The following ST3GAL3 variants were observed in gnomAD, a reference collection of about 807,000 sequenced individuals.
The protein encoded by ST3GAL3 is ST3 beta-galactoside alpha-2,3-sialyltransferase 3, also known as CMP-N-acetylneuraminate-beta-1,4-galactoside alpha-2,3-sialyltransferase.
A neutral mutation model predicts 50.1 loss-of-function variants in ST3GAL3; 21 were observed. That is an observed-to-expected ratio of 0.42 (90% CI 0.30 to 0.60). The LOEUF (loss-of-function observed/expected upper bound fraction) is 0.60, where lower values mean the gene tolerates loss of function less well. Among genes scored for constraint, ST3GAL3 ranks in the 20% least tolerant of loss-of-function variants. The pLI, the probability that ST3GAL3 is intolerant of heterozygous loss-of-function variation, is 0.19. For synonymous variants in ST3GAL3, 183 were observed against 190.0 expected, an observed-to-expected ratio of 0.96 and a Z score of 0.30; for missense variants, 353 against 489.4, an observed-to-expected ratio of 0.72 and a Z score of 2.63.
chr1:43,785,120 G>T (rs911611302), intron 2 of ST3GAL3, among the ~76,000 whole-genome samples: 6 of 152,090 alleles, frequency 3.9e-5, no homozygotes, highest in Admixed American at 2.6e-4. Context: ...AGACTGGGGG[G>T]GTTAGATCCC....
chr1:43,710,297 A>G (rs1470137374), intron 1 of ST3GAL3, among the ~76,000 whole-genome samples: 1 of 152,016 alleles, frequency 6.6e-6, no homozygotes, highest in Non-Finnish European at 1.5e-5. Flanking sequence ...GGCCAGGCTG[A>G]TCTTGAACTC....
chr1:43,906,175 G>A (rs1414523636), intron 9 of ST3GAL3, among the ~76,000 whole-genome samples: 7 of 68,664 alleles, frequency 1.0e-4, no homozygotes, highest in Admixed American at 2.1e-4. Flanking sequence ...TCCCCTTCCT[G>A]CCACTCTTCC....
chr1:43,791,996 C>T, intron 2 of ST3GAL3, 106 bp from the exon 3 acceptor site: 1 of 1,371,860 alleles, frequency 7.3e-7, no homozygotes. Context: ...ACTGAGTTCC[C>T]TTCCAGTTGA....
intron 4 of ST3GAL3, 50 bp downstream of exon 4, chr1:43,814,983 G>GACCC: frequency 6.3e-7 from 1 of 1,581,600 alleles, no homozygotes; most frequent in Non-Finnish European, 8.7e-7. Context: ...AGGTCTGTGA[G>GACCC]AGCTGGGTCT....
intron 9 of ST3GAL3, among the ~76,000 whole-genome samples, chr1:43,902,807 C>G (rs558176360): frequency 1.3e-5 from 2 of 152,320 alleles, no homozygotes; most frequent in Admixed American, 1.3e-4. Flanking sequence ...CCAACACACT[C>G]ACTCACTTAT....
chr1:43,755,772 A>C (rs531497830), intron 2 of ST3GAL3, among the ~76,000 whole-genome samples: 2 of 152,322 alleles, frequency 1.3e-5, no homozygotes, highest in Non-Finnish European at 2.9e-5. Flanking sequence ...TTAAGGATAC[A>C]AGAAGCATGA....
chr1:43,719,934 GAAAAAAAAAAAA>G (rs148364295), intron 1 of ST3GAL3, among the ~76,000 whole-genome samples: 100 of 41,732 alleles, frequency 2.4e-3, no homozygotes, highest in African/African-American at 7.4e-3. Context: ...CTCTGTCTCA[GAAAAAAAAAAAA>G]AAAAAAAAAA....
At chr1:43,765,381 G>A (rs1469614696) in intron 2 of ST3GAL3, among the ~76,000 whole-genome samples, 3 of 152,104 alleles carry the variant, frequency 2.0e-5, no homozygotes, top group East Asian at 1.9e-4. Context: ...TCCCTGCAGC[G>A]CACGTTCCAC....
chr1:43,817,600 T>TTCTCCTTCTCCTCCTCCCTTCTC (rs2061489505), intron 4 of ST3GAL3, among the ~76,000 whole-genome samples: 1 of 99,452 alleles, frequency 1.0e-5, no homozygotes, highest in Non-Finnish European at 2.0e-5. Context: ...TCCTCCTCCC[T>TTCTCCTTCTCCTCCTCCCTTCTC]TCTCCTTCTC....
intron 2 of ST3GAL3, among the ~76,000 whole-genome samples, chr1:43,786,715 C>G (rs964273101): frequency 5.9e-5 from 9 of 152,158 alleles, no homozygotes; most frequent in Non-Finnish European, 1.0e-4. Flanking sequence ...CATTTTTGTT[C>G]TTACTCACCA....
At chr1:43,892,012 C>T (rs1363782137) in intron 5 of ST3GAL3, among the ~76,000 whole-genome samples, 5 of 151,994 alleles carry the variant, frequency 3.3e-5, no homozygotes, top group Admixed American at 1.3e-4. Context: ...GGCGTGATCT[C>T]AGCTCACTGC....
chr1:43,880,473 C>G (rs1483926566), intron 5 of ST3GAL3, among the ~76,000 whole-genome samples: 1 of 151,396 alleles, frequency 6.6e-6, no homozygotes, highest in Non-Finnish European at 1.5e-5. Flanking sequence ...TGGATCTATC[C>G]CCTTCCTCTC....
At position 43,783,078 on chromosome 1, in the gene ST3GAL3, T is replaced by C. The variant is rs114779261; in HGVS notation, c.119-9024T>C. On this transcript the variant is annotated intron_variant, in intron 2 of 11. Coordinates refer to ENST00000347631, the MANE Select transcript of ST3GAL3 (RefSeq NM_006279.5). ...GAGGGGGCTCAGATAAATTTTGAAC[T>C]TTGTGTTACTCTTTTTACAGATGAG... is the stretch of plus-strand genomic sequence containing the variant. Among the ~76,000 whole-genome samples, 1,433 of 152,038 alleles carry C rather than the reference T, an allele frequency of 9.4e-3. 20 individuals are homozygous for C. The highest frequency in any genetic ancestry group is 0.033 in the African/African-American group (1,371 of 41,454).
chr1:43,754,444 A>G (rs931730323), intron 2 of ST3GAL3, among the ~76,000 whole-genome samples: 3 of 152,266 alleles, frequency 2.0e-5, no homozygotes, highest in Admixed American at 2.0e-4. Context: ...CACCCACCTC[A>G]GCCTCCCAAA....
chr1:43,902,161 G>A (rs1024177921), intron 9 of ST3GAL3, among the ~76,000 whole-genome samples: 3 of 152,214 alleles, frequency 2.0e-5, no homozygotes, highest in Admixed American at 6.5e-5. Flanking sequence ...AGCTTGTCCT[G>A]CTCCTGTAGG....
intron 2 of ST3GAL3, among the ~76,000 whole-genome samples, chr1:43,765,743 C>CTGTGTG (rs763910168): frequency 7.3e-4 from 103 of 140,884 alleles, no homozygotes; most frequent in African/African-American, 2.5e-3. Context: ...ATGTGTGTGT[C>CTGTGTG]TGTGTGTGTC....
At chr1:43,757,055 C>A (rs1688397326) in intron 2 of ST3GAL3, among the ~76,000 whole-genome samples, 1 of 152,150 alleles carries the variant, frequency 6.6e-6, no homozygotes, top group Non-Finnish European at 1.5e-5. Flanking sequence ...CAGGCACCCA[C>A]CACCACGCCT....
At chr1:43,927,693 C>T (rs1309658777) in intron 11 of ST3GAL3, among the ~76,000 whole-genome samples, 1 of 152,184 alleles carries the variant, frequency 6.6e-6, no homozygotes, top group Non-Finnish European at 1.5e-5. Context: ...TCCCTACCCT[C>T]AAAGAGAGAC....
intron 5 of ST3GAL3, among the ~76,000 whole-genome samples, chr1:43,856,111 A>G (rs1189461742): frequency 6.6e-6 from 1 of 152,262 alleles, no homozygotes; most frequent in Non-Finnish European, 1.5e-5. Flanking sequence ...TATCAAGATC[A>G]GTCAAAAGCC....
Sources: gnomAD v4.1 joint callset for allele counts (sites outside exome capture counted in the v4.1 genomes callset) on GRCh38, gnomAD v4.1.1 for gene constraint, MANE v1.5 for transcripts, NCBI Gene and HGNC (gene_info 2026-07-23, HGNC 2026-07-21) for gene names.